The following CLEC2L variants were observed in gnomAD, a reference collection of about 807,000 sequenced individuals.
The protein encoded by CLEC2L is C-type lectin domain family 2 member L.
Under a neutral mutation model 23.6 loss-of-function variants are expected in CLEC2L, and 14 were observed. The observed-to-expected ratio is 0.59, with a 90% CI of 0.39 to 0.93. CLEC2L has a LOEUF of 0.93. Ranked by LOEUF, CLEC2L falls within the 40% of genes least tolerant of loss-of-function variation. The pLI, the probability that CLEC2L is intolerant of heterozygous loss-of-function variation, is 0.00. For missense variants in CLEC2L, 264 were observed against 282.4 expected (o/e 0.93, Z 0.47); for synonymous variants, 114 against 121.3 (o/e 0.94, Z 0.40).
intron 2 of CLEC2L, among the ~76,000 whole-genome samples, chr7:139,538,690 A>T (rs1444371289): frequency 2.0e-5 from 3 of 152,214 alleles, no homozygotes; most frequent in Admixed American, 6.5e-5. Context: ...CAGAGGTTGC[A>T]GTGAGCCGAG....
chr7:139,544,257 G>C lies in CLEC2L; in HGVS notation c.560G>C (p.Cys187Ser), dbSNP rs1213069554. Residue 187 changes from cysteine (C) to serine (S), a missense_variant, in exon 5 of 5, where the codon TGT becomes TCT. Transcript: ENST00000422142. ...DTFTIAGPGE[C>S]VFVEPTRLVS... ...TTCACCATCGCAGGTCCAGGGGAGT[G>C]TGTCTTCGTGGAGCCCACCAGGCTG... 3 of 1,613,334 alleles carry C rather than the reference G, an allele frequency of 1.9e-6. No individual in the cohort carries two copies. The African/African-American group carries it at 4.0e-5, about 22-fold the overall frequency.
chr7:139,525,775 T>C (rs1797497881), intron 1 of CLEC2L, among the ~76,000 whole-genome samples: 1 of 152,132 alleles, frequency 6.6e-6, no homozygotes, highest in Non-Finnish European at 1.5e-5. Context: ...TTGCTGTTCC[T>C]GTCCACCTCC....
At position 139,540,167 on chromosome 7, in the gene CLEC2L, G is replaced by A; in HGVS notation, c.266-154G>A. On this transcript the variant is annotated intron_variant, in intron 2 of 4. Coordinates refer to ENST00000422142, the MANE Select transcript of CLEC2L (RefSeq NM_001080511.4). The surrounding 1 kb of genome is among the most constrained non-coding windows in gnomAD (Gnocchi z 5.8). ...AGTCCCCTTTCTCATTCATTTAGTGGCCACCCTTTTACCTCCAGGCACCAG... is the reference window on the plus strand; with the variant it reads ...AGTCCCCTTTCTCATTCATTTAGTGACCACCCTTTTACCTCCAGGCACCAG... 1 of 683,036 alleles carries A rather than the reference G, an allele frequency of 1.5e-6. No homozygotes were observed. The highest frequency in any genetic ancestry group is 2.0e-5 in the South Asian group (1 of 50,754). The allele number at this position is 683,036 out of a possible 1,614,324, so 42.3% of individuals were successfully genotyped here.
At chr7:139,537,920 A>C (rs1256693940) in intron 2 of CLEC2L, among the ~76,000 whole-genome samples, 2 of 152,214 alleles carry the variant, frequency 1.3e-5, no homozygotes, top group Non-Finnish European at 2.9e-5. Context: ...TGAACAGGGA[A>C]TCTGATTACT....
chr7:139,527,919 C>T (rs534000338), intron 1 of CLEC2L, among the ~76,000 whole-genome samples: 4 of 152,236 alleles, frequency 2.6e-5, no homozygotes, highest in Non-Finnish European at 5.9e-5. Context: ...GCTGTGTCCC[C>T]GATGACTTAG....
At position 139,523,878 on chromosome 7, in the gene CLEC2L, C is replaced by T. The variant is rs940845187; in HGVS notation, c.-50C>T. On this transcript the variant is annotated 5_prime_UTR_variant, in exon 1 of 5. Transcript: ENST00000422142. The surrounding 1 kb of genome is among the most constrained non-coding windows in gnomAD (Gnocchi z 4.1). Reference sequence around the variant, plus strand: ...AGCGCCGAGTGCGCGTCGGGCTGGGCCCCGCACCCCGGTGCAGGAGCGCGG... The same window carrying T: ...AGCGCCGAGTGCGCGTCGGGCTGGGTCCCGCACCCCGGTGCAGGAGCGCGG... 315 of 975,150 alleles carry T rather than the reference C, an allele frequency of 3.2e-4. No homozygotes were observed. Among genetic ancestry groups the T allele is most frequent in the Middle Eastern group, 5.2e-4 (1 of 1,924 alleles). The allele number at this position is 975,150 out of a possible 1,614,324, so 60.4% of individuals were successfully genotyped here. A position where few individuals can be genotyped will look rare whatever the true frequency, so the allele number is the denominator to read the frequency against.
At chr7:139,524,229 G>C (rs1797473000) in intron 1 of CLEC2L, 112 bp downstream of exon 1, 1 of 1,045,976 alleles carries the variant, frequency 9.6e-7, no homozygotes. Context: ...GGGAGCGCTG[G>C]GAGCGCGGCG....
chr7:139,524,120 A>G lies in CLEC2L; in HGVS notation c.190+3A>G. The stretch of plus-strand genomic sequence containing the variant: ...CAGCTGGAAGGCGGCCTTGGAGGGT[A>G]AGCGCGGAGCGGCCTCCCTCTCCTG... On this transcript the variant is annotated splice_donor_region_variant and intron_variant, in intron 1 of 4. Transcript: ENST00000422142. 1 of 1,220,996 alleles carries G rather than the reference A, an allele frequency of 8.2e-7. No homozygotes were observed. The allele number at this position is 1,220,996 out of a possible 1,614,324, so 75.6% of individuals were successfully genotyped here.
intron 2 of CLEC2L, among the ~76,000 whole-genome samples, chr7:139,538,855 C>T (rs1437743563): frequency 6.6e-6 from 1 of 152,240 alleles, no homozygotes; most frequent in African/African-American, 2.4e-5. Flanking sequence ...AATCAGTTTC[C>T]TTTTCCCCTC....
chr7:139,542,090 T>C lies in CLEC2L; in HGVS notation c.502T>C (p.Trp168Arg), dbSNP rs1482889996. 1.2e-6 allele frequency: 2 copies of C among 1,612,764 alleles called. No individual in the cohort carries two copies. The highest frequency in any genetic ancestry group is 2.7e-5 in the African/African-American group (2 of 74,894). ...ACGCAGAGTTGGGGACGAATTCCACTGGGTCAACGGGGACCCGTTTGATCC... is the reference window on the plus strand; with the variant it reads ...ACGCAGAGTTGGGGACGAATTCCACCGGGTCAACGGGGACCCGTTTGATCC... ...GLRRVGDEFH[W>R]VNGDPFDPDT... is the part of the protein sequence containing the mutation. The change falls in exon 4 of 5, where the codon TGG (tryptophan) becomes CGG (arginine). Residue 168 changes from tryptophan to arginine, a missense_variant. Physicochemically the swap from Trp to Arg is moderately radical, Grantham distance 101. Coordinates refer to ENST00000422142, the MANE Select transcript of CLEC2L (RefSeq NM_001080511.4).
rs944159716 is a variant in CLEC2L at position 139,544,504 on chromosome 7, C to G, written c.*162C>G. On this transcript the variant is annotated 3_prime_UTR_variant, in exon 5 of 5. Coordinates refer to ENST00000422142, the MANE Select transcript of CLEC2L (RefSeq NM_001080511.4). ...TCTCCCAGGCCCTGGCGCTCTGAGT[C>G]CCTGGTTCCTGGCCTCCTTTGTCTG... 5 of 601,678 alleles carry G rather than the reference C, an allele frequency of 8.3e-6. No individual in the cohort carries two copies. The Admixed American group carries it at 1.5e-4, about 18-fold the overall frequency. The allele number at this position is 601,678 out of a possible 1,614,324, so 37.3% of individuals were successfully genotyped here.
In CLEC2L at chr7:139,523,977, T is replaced by TCGCCGCG; in HGVS notation, c.55_61dup (p.Pro21ArgfsTer19). ...TCGCGGGCCCGGCCGCCGCCGCCCCTCGCCGCGCGCCCCGCGCCCGCCCCC... is the reference window on the plus strand; with the variant it reads ...TCGCGGGCCCGGCCGCCGCCGCCCCTCGCCGCGCGCCGCGCGCCCCGCGCCCGCCCCC... On this transcript the variant is annotated frameshift_variant, in exon 1 of 5. Transcript: ENST00000422142. LOFTEE classifies it high-confidence loss of function. The surrounding 1 kb of genome is among the most constrained non-coding windows in gnomAD (Gnocchi z 4.1). 2 of 968,882 alleles carry TCGCCGCG rather than the reference T, an allele frequency of 2.1e-6. No homozygotes were observed. The highest frequency in any genetic ancestry group is 2.4e-6 in the Non-Finnish European group (2 of 817,548). 60.0% of individuals were successfully genotyped at this position (968,882 alleles called of 1,614,324 possible).
intron 1 of CLEC2L, among the ~76,000 whole-genome samples, chr7:139,528,150 G>C (rs1797531115): frequency 6.6e-6 from 1 of 152,152 alleles, no homozygotes; most frequent in Non-Finnish European, 1.5e-5. Context: ...GTTGAATTGT[G>C]TCCCTACCAA....
Position 139,540,374 on chromosome 7 carries a change from T to C in CLEC2L, c.319T>C (p.Tyr107His). ...EAPCPEDWLL[Y>H]GRKCYFFSEE... is the part of the protein sequence containing the mutation. ...GCCCTGCCCGGAGGACTGGCTGCTCTACGGAAGGAAGTGCTACTTCTTTTC... is the reference window on the plus strand; with the variant it reads ...GCCCTGCCCGGAGGACTGGCTGCTCCACGGAAGGAAGTGCTACTTCTTTTC... Residue 107 changes from tyrosine to histidine, a missense_variant, in exon 3 of 5, where the codon TAC becomes CAC. Transcript: ENST00000422142. The surrounding 1 kb of genome is among the most constrained non-coding windows in gnomAD (Gnocchi z 5.8). 1.2e-6 allele frequency: 2 copies of C among 1,611,770 alleles called. No homozygotes were observed. Among genetic ancestry groups the C allele is most frequent in the South Asian group, 1.1e-5 (1 of 90,400 alleles).
chr7:139,527,089 A>G (rs1398154949), intron 1 of CLEC2L, among the ~76,000 whole-genome samples: 2 of 152,248 alleles, frequency 1.3e-5, no homozygotes, highest in African/African-American at 2.4e-5. Context: ...AGCACCTGCT[A>G]CGTGCTGGAG....
chr7:139,534,902 C>T (rs62491674), intron 1 of CLEC2L, among the ~76,000 whole-genome samples: 1,593 of 150,228 alleles, frequency 0.011, 14 homozygotes, highest in Non-Finnish European at 0.016. Context: ...GGGATGGAAA[C>T]GCAGTTTAGC....
Position 139,544,403 on chromosome 7 carries a change from C to A in CLEC2L, c.*61C>A. On this transcript the variant is annotated 3_prime_UTR_variant, in exon 5 of 5. Transcript: ENST00000422142. Reference sequence around the variant, plus strand: ...CTGTGGGAGGTGTCTGGTGTCTGCTCAAGACCTGCTTCCAGCGGAGCCGCC... The same window carrying A: ...CTGTGGGAGGTGTCTGGTGTCTGCTAAAGACCTGCTTCCAGCGGAGCCGCC... 1 of 1,244,282 alleles carries A rather than the reference C, an allele frequency of 8.0e-7. No individual in the cohort carries two copies. The highest frequency in any genetic ancestry group is 1.2e-6 in the Non-Finnish European group (1 of 867,286). 77.1% of individuals were successfully genotyped at this position (1,244,282 alleles called of 1,614,324 possible).
In CLEC2L at chr7:139,540,602, A is replaced by G. The variant is rs77332762; in HGVS notation, c.432+115A>G. 5.9e-3 allele frequency: 7,339 copies of G among 1,251,788 alleles called. 270 individuals carry two copies. The African/African-American group carries it at 0.09, about 15-fold the overall frequency. The allele number at this position is 1,251,788 out of a possible 1,614,324, so 77.5% of individuals were successfully genotyped here. On this transcript the variant is annotated intron_variant, in intron 3 of 4. Transcript: ENST00000422142. The surrounding 1 kb of genome is among the most constrained non-coding windows in gnomAD (Gnocchi z 5.8). Reference sequence around the variant, plus strand: ...CAGTGTTCCCTGTGACACGTCTCCAAAGCCGCCCACCTGCTGCATAACCAC... The same window carrying G: ...CAGTGTTCCCTGTGACACGTCTCCAGAGCCGCCCACCTGCTGCATAACCAC...
intron 1 of CLEC2L, among the ~76,000 whole-genome samples, chr7:139,528,862 C>T (rs1237440639): frequency 1.3e-5 from 2 of 152,172 alleles, no homozygotes; most frequent in Non-Finnish European, 2.9e-5. Flanking sequence ...AGTGCAGCAC[C>T]TAGAGAAATT....
Sources: gnomAD v4.1 joint callset for allele counts (sites outside exome capture counted in the v4.1 genomes callset) on GRCh38, gnomAD v4.1.1 for gene constraint, Gnocchi (gnomAD v3.1) non-coding constraint, MANE v1.5 for transcripts, NCBI Gene and HGNC (gene_info 2026-07-23, HGNC 2026-07-21) for gene names.